Variants in ARHGAP35 observed in about 807,000 individuals in gnomAD.
ARHGAP35 encodes rho GTPase-activating protein 35.
ARHGAP35 carries 15 observed loss-of-function variants against 111.1 expected under a neutral mutation model. That is an observed-to-expected ratio of 0.13 (90% confidence interval 0.09 to 0.21). The LOEUF is 0.21. Ranked by LOEUF, ARHGAP35 falls within the 10% of genes least tolerant of loss-of-function variation. The pLI is 1.00. For missense variants in ARHGAP35, 1,262 were observed against 1,873.0 expected, an observed-to-expected ratio of 0.67 and a Z score of 6.02; for synonymous variants, 643 against 710.3, an observed-to-expected ratio of 0.91 and a Z score of 1.51.
Position 46,901,385 on chromosome 19 carries a change from C to G in ARHGAP35, c.-188-17103C>G, listed in dbSNP as rs1362555809. Among the ~76,000 whole-genome samples, 1 of 152,162 alleles carries G rather than the reference C, an allele frequency of 6.6e-6. No homozygotes were observed. Among genetic ancestry groups the G allele is most frequent in the African/African-American group, 2.4e-5 (1 of 41,432 alleles). ...CCAGCCTGGCCAACATGGTGACACC[C>G]CATCTCCACTAAAAATACAAAAATT... On this transcript the variant is annotated intron_variant, in intron 1 of 6. Transcript: ENST00000672722. The surrounding 1 kb of genome is among the most constrained non-coding windows in gnomAD (Gnocchi z 4.5).
chr19:46,878,629 CCTTT>C (rs1289891023), intron 1 of ARHGAP35, among the ~76,000 whole-genome samples: 2 of 152,108 alleles, frequency 1.3e-5, no homozygotes, highest in African/African-American at 2.4e-5. Context: ...CCCACAACTT[CCTTT>C]GTTTTTGTTG....
At position 47,000,095 on chromosome 19, in the gene ARHGAP35, C is replaced by CG. The variant is rs1220451500; in HGVS notation, c.4143-232dup. 6.6e-6 allele frequency among the ~76,000 whole-genome samples: 1 copy of CG among 152,164 alleles called. No individual in the cohort carries two copies. On this transcript the variant is annotated intron_variant, in intron 6 of 6. Transcript: ENST00000672722. This position sits in a 1 kb window ranked among gnomAD's most constrained non-coding sequence, Gnocchi z 6.9. ...TGGTCCATCCACCCCCAGGGGTTTG[C>CG]GGGGCTCCAGGCAGCCTTTCCGAGG... is the stretch of plus-strand genomic sequence containing the variant.
chr19:47,001,220 C>G lies in ARHGAP35; in HGVS notation c.*532C>G. On this transcript the variant is annotated 3_prime_UTR_variant, in exon 7 of 7. Coordinates refer to ENST00000672722, the MANE Select transcript of ARHGAP35 (RefSeq NM_004491.5). The surrounding 1 kb of genome is among the most constrained non-coding windows in gnomAD (Gnocchi z 5.4). ...AACGTGTAGGCCACGGCTCTGCCAC[C>G]ACTAGGTACCTGCTGAGGGCGCTGG... 7.8e-7 allele frequency: 1 copy of G among 1,277,616 alleles called. No individual in the cohort carries two copies. The highest frequency in any genetic ancestry group is 1.0e-6 in the Non-Finnish European group (1 of 983,578). 79.1% of individuals were successfully genotyped at this position (1,277,616 alleles called of 1,614,324 possible).
At chr19:46,974,301 C>T (rs1416940930) in intron 3 of ARHGAP35, among the ~76,000 whole-genome samples, 1 of 152,192 alleles carries the variant, frequency 6.6e-6, no homozygotes, top group Non-Finnish European at 1.5e-5. Flanking sequence ...CAAGACTGCC[C>T]TTCAGATGCC....
intron 1 of ARHGAP35, among the ~76,000 whole-genome samples, chr19:46,887,606 A>C (rs1487878950): frequency 6.6e-6 from 1 of 152,066 alleles, no homozygotes; most frequent in Non-Finnish European, 1.5e-5. Context: ...CTTCTCTCTA[A>C]GGGCCTCTAG....
chr19:46,874,507 T>G (rs183590659), intron 1 of ARHGAP35, among the ~76,000 whole-genome samples: 1,882 of 146,968 alleles, frequency 0.013, 18 homozygotes, highest in Non-Finnish European at 0.02. Flanking sequence ...TTGTCTTTTT[T>G]TTTTTTTTTT....
chr19:46,989,728 C>G lies in ARHGAP35; in HGVS notation c.4036+53C>G, dbSNP rs2056669865. 1.2e-6 allele frequency: 2 copies of G among 1,609,156 alleles called. No individual in the cohort carries two copies. The highest frequency in any genetic ancestry group is 1.7e-5 in the Admixed American group (1 of 59,922). ...GGATTGAGGGAGAAAGGGCTTGGCA[C>G]TGGAAGAATAGGTCCTGCCCTCAGA... On this transcript the variant is annotated intron_variant, in intron 5 of 6. Coordinates refer to ENST00000672722, the MANE Select transcript of ARHGAP35 (RefSeq NM_004491.5). The surrounding 1 kb of genome is among the most constrained non-coding windows in gnomAD (Gnocchi z 5.3).
rs138070228 is a variant in ARHGAP35 at position 46,961,791 on chromosome 19, G to A, written c.3826+24383G>A. ...CTAAAAATACAAAAATTAGCCGGGC[G>A]TGGTGGCGCACACCTGTAGTCCCAA... On this transcript the variant is annotated intron_variant, in intron 3 of 6. Coordinates refer to ENST00000672722, the MANE Select transcript of ARHGAP35 (RefSeq NM_004491.5). Among the ~76,000 whole-genome samples, 21 of 152,160 alleles carry A rather than the reference G, an allele frequency of 1.4e-4. No homozygotes were observed. In the South Asian group the frequency reaches 2.1e-3, roughly 15 times the overall value.
chr19:46,923,877 C>T (rs1270405803), intron 2 of ARHGAP35, among the ~76,000 whole-genome samples: 1 of 148,946 alleles, frequency 6.7e-6, no homozygotes, highest in Non-Finnish European at 1.5e-5. Flanking sequence ...GCCAAGTTCA[C>T]GACACTGTAT....
intron 2 of ARHGAP35, among the ~76,000 whole-genome samples, chr19:46,929,591 CTTTTTTTTTT>C (rs55818906): frequency 4.3e-5 from 4 of 93,054 alleles, no homozygotes; most frequent in Admixed American, 2.3e-4. Flanking sequence ...ACCTGTTACT[CTTTTTTTTTT>C]TTTTTTTTTT....
At chr19:46,897,188 C>G (rs530062134) in intron 1 of ARHGAP35, among the ~76,000 whole-genome samples, 10 of 151,958 alleles carry the variant, frequency 6.6e-5, no homozygotes, top group Non-Finnish European at 1.2e-4. Context: ...CGTGAGCCAT[C>G]GCGCCCAGCC....
chr19:46,887,158 G>A (rs566851572), intron 1 of ARHGAP35, among the ~76,000 whole-genome samples: 1 of 151,968 alleles, frequency 6.6e-6, no homozygotes, highest in Non-Finnish European at 1.5e-5. Flanking sequence ...CCTTCTACTC[G>A]TTACTGAAAG....
chr19:46,899,947 G>A (rs1334672280), intron 1 of ARHGAP35, among the ~76,000 whole-genome samples: 1 of 152,082 alleles, frequency 6.6e-6, no homozygotes, highest in Admixed American at 6.6e-5. Context: ...TTCAAAACAA[G>A]CTTTTAACTG....
intron 1 of ARHGAP35, among the ~76,000 whole-genome samples, chr19:46,906,596 T>C (rs990419965): frequency 6.6e-6 from 1 of 152,194 alleles, no homozygotes; most frequent in Admixed American, 6.5e-5. Context: ...ACTACCCAAG[T>C]CCAGAAATAG....
intron 2 of ARHGAP35, among the ~76,000 whole-genome samples, chr19:46,925,658 G>A (rs1195361310): frequency 6.6e-6 from 1 of 152,170 alleles, no homozygotes; most frequent in Non-Finnish European, 1.5e-5. Flanking sequence ...TGGGCATGTC[G>A]GGTTAGTTAT....
chr19:46,957,654 T>C lies in ARHGAP35; in HGVS notation c.3826+20246T>C, dbSNP rs190886068. 1.4e-4 allele frequency among the ~76,000 whole-genome samples: 22 copies of C among 152,338 alleles called. No homozygotes were observed. The East Asian group carries it at 3.9e-3, about 27-fold the overall frequency. On this transcript the variant is annotated intron_variant, in intron 3 of 6. Transcript: ENST00000672722. ...TAAACTGTTAAATGTGTGGCTTAGATGATTTATTCCTCTAAATAGGATGAA... is the reference window on the plus strand; with the variant it reads ...TAAACTGTTAAATGTGTGGCTTAGACGATTTATTCCTCTAAATAGGATGAA...
At chr19:46,964,365 T>C (rs1403301682) in intron 3 of ARHGAP35, among the ~76,000 whole-genome samples, 1 of 151,654 alleles carries the variant, frequency 6.6e-6, no homozygotes, top group African/African-American at 2.4e-5. Flanking sequence ...CTGCTTGGGC[T>C]CAAGTGATCC....
chr19:46,984,370 GC>G (rs2056637694), intron 3 of ARHGAP35, among the ~76,000 whole-genome samples: 1 of 152,116 alleles, frequency 6.6e-6, no homozygotes, highest in Admixed American at 6.5e-5. Context: ...TTAATATCCA[GC>G]ATCTTTGCCA....
intron 1 of ARHGAP35, among the ~76,000 whole-genome samples, chr19:46,873,994 C>T (rs902561517): frequency 9.9e-5 from 15 of 152,166 alleles, no homozygotes; most frequent in Admixed American, 9.2e-4. Flanking sequence ...GTGATCTGCC[C>T]GCTTCAGCCT....
Sources: allele counts gnomAD v4.1 joint callset (sites outside exome capture counted in the v4.1 genomes callset), GRCh38; gene constraint gnomAD v4.1.1; non-coding constraint Gnocchi (gnomAD v3.1); transcripts MANE v1.5; gene names NCBI Gene and HGNC (gene_info 2026-07-23, HGNC 2026-07-21).